KIF2A: variants seen among roughly 807,000 people sequenced by gnomAD.
KIF2A encodes the protein kinesin family member 2A.
In KIF2A, 22 loss-of-function variants were observed where a neutral mutation model predicts 100.2. That is an observed-to-expected ratio of 0.22 (90% CI 0.16 to 0.31). KIF2A has a LOEUF of 0.31. Among genes scored for constraint, KIF2A ranks in the 10% least tolerant of loss-of-function variants. The probability of loss-of-function intolerance (pLI) is 1.00; values close to 1 mark genes in which losing one functional copy is unlikely to be tolerated. For missense variants in KIF2A, 495 were observed against 898.7 expected (o/e 0.55, Z 5.74); for synonymous variants, 268 against 285.9 (o/e 0.94, Z 0.63).
At chr5:62,357,297 T>C (rs1418215050) in intron 7 of KIF2A, among the ~76,000 whole-genome samples, 1 of 152,028 alleles carries the variant, frequency 6.6e-6, no homozygotes, top group Non-Finnish European at 1.5e-5. Context: ...TTGGCCAGGC[T>C]AGTCTCAAAC....
chr5:62,312,171 C>A (rs1230555763), intron 1 of KIF2A, among the ~76,000 whole-genome samples: 1 of 152,176 alleles, frequency 6.6e-6, no homozygotes, highest in African/African-American at 2.4e-5. Flanking sequence ...TCCAAAAGTA[C>A]CACAGAAAGC....
chr5:62,390,845 T>G lies in KIF2A; in HGVS notation c.*5276T>G, dbSNP rs1427293785. On this transcript the variant is annotated 3_prime_UTR_variant, in exon 21 of 21. Transcript: ENST00000407818. ...CTGAAGGTGTCACAGTAAAGAAATG[T>G]AAACACTTAGGAAAACAAAAATGTA... 1 of 1,574,618 alleles carries G rather than the reference T, an allele frequency of 6.4e-7. No individual in the cohort carries two copies. Among genetic ancestry groups the G allele is most frequent in the Non-Finnish European group, 8.7e-7 (1 of 1,145,878 alleles).
chr5:62,306,853 C>T (rs999313955), intron 1 of KIF2A: 10 of 363,530 alleles, frequency 2.8e-5, no homozygotes, highest in Admixed American at 5.1e-5. Context: ...CTCCAGCCCC[C>T]CCCCGGGGAC....
intron 1 of KIF2A, among the ~76,000 whole-genome samples, chr5:62,346,824 A>G (rs966391510): frequency 6.6e-6 from 1 of 152,234 alleles, no homozygotes; most frequent in Non-Finnish European, 1.5e-5. Flanking sequence ...TCTAATGATT[A>G]GAACTGTTTA....
intron 9 of KIF2A, among the ~76,000 whole-genome samples, chr5:62,360,243 G>C (rs1248033628): frequency 6.6e-6 from 1 of 151,832 alleles, no homozygotes; most frequent in Admixed American, 6.6e-5. Context: ...ACCCACCTCA[G>C]CCTCCCAAAG....
chr5:62,310,408 C>T (rs1322523397), intron 1 of KIF2A, among the ~76,000 whole-genome samples: 2 of 152,150 alleles, frequency 1.3e-5, no homozygotes, highest in Non-Finnish European at 2.9e-5. Flanking sequence ...CCATTCCCAC[C>T]CCCACTACTG....
At chr5:62,369,233 A>G (rs1341038942) in intron 16 of KIF2A, among the ~76,000 whole-genome samples, 1 of 152,212 alleles carries the variant, frequency 6.6e-6, no homozygotes, top group Non-Finnish European at 1.5e-5. Context: ...TCACACTGCT[A>G]CAAAGGAATA....
chr5:62,308,394 G>A lies in KIF2A; in HGVS notation c.64+1858G>A, dbSNP rs1745410215. On this transcript the variant is annotated intron_variant, in intron 1 of 20. Transcript: ENST00000407818. ...TGGGTGCACAGCAACACCTGTCCCT[G>A]GTATACACCCAAGGGAGAGGAAATC... 3.0e-5 allele frequency: 42 copies of A among 1,391,314 alleles called. No homozygotes were observed. In the Middle Eastern group the frequency reaches 6.8e-4, roughly 22 times the overall value. The allele number at this position is 1,391,314 out of a possible 1,614,324, so 86.2% of individuals were successfully genotyped here.
intron 16 of KIF2A, among the ~76,000 whole-genome samples, chr5:62,369,163 T>A (rs1741209590): frequency 6.6e-6 from 1 of 152,224 alleles, no homozygotes; most frequent in Non-Finnish European, 1.5e-5. Flanking sequence ...AACCTACTGT[T>A]ATATCATGTA....
At chr5:62,342,952 A>G (rs1167131086) in intron 1 of KIF2A, among the ~76,000 whole-genome samples, 3 of 151,900 alleles carry the variant, frequency 2.0e-5, no homozygotes, top group Admixed American at 1.3e-4. Flanking sequence ...GTGTTTCACC[A>G]TGTTGGCCAG....
At chr5:62,308,499 T>C in intron 1 of KIF2A, 1 of 719,710 alleles carries the variant, frequency 1.4e-6, no homozygotes, top group Non-Finnish European at 2.5e-6. Context: ...GCAACCTAAA[T>C]GTCCATCGAT....
At chr5:62,376,372 A>T (rs1580097648) in intron 18 of KIF2A, among the ~76,000 whole-genome samples, 1 of 152,156 alleles carries the variant, frequency 6.6e-6, no homozygotes, top group East Asian at 1.9e-4. Flanking sequence ...ATGGAACAGC[A>T]TCTAAGACAC....
At chr5:62,366,791 A>G (rs1741092118) in intron 16 of KIF2A, among the ~76,000 whole-genome samples, 1 of 151,678 alleles carries the variant, frequency 6.6e-6, no homozygotes, top group African/African-American at 2.4e-5. Context: ...AGATCACGCC[A>G]CTGCACTCCA....
chr5:62,359,260 A>G (rs1219590976), intron 9 of KIF2A, among the ~76,000 whole-genome samples: 1 of 152,104 alleles, frequency 6.6e-6, no homozygotes, highest in Non-Finnish European at 1.5e-5. Context: ...TTTTAGCAGT[A>G]TTGTTATTTT....
chr5:62,307,031 G>A (rs1434841152), intron 1 of KIF2A: 1 of 153,188 alleles, frequency 6.5e-6, no homozygotes, highest in Admixed American at 6.5e-5. Flanking sequence ...CGGAGGCCGA[G>A]ATGGGGGGAA....
chr5:62,358,567 T>C (rs1056922641), intron 9 of KIF2A, among the ~76,000 whole-genome samples: 9 of 152,300 alleles, frequency 5.9e-5, no homozygotes, highest in African/African-American at 2.2e-4. Context: ...ACAAACCATG[T>C]ATATGGATAA....
intron 18 of KIF2A, among the ~76,000 whole-genome samples, chr5:62,375,757 A>G (rs543477524): frequency 2.6e-5 from 4 of 152,336 alleles, no homozygotes; most frequent in South Asian, 2.1e-4. Flanking sequence ...AGCAAAATGT[A>G]TGGATATTTT....
intron 1 of KIF2A, among the ~76,000 whole-genome samples, chr5:62,338,778 G>C (rs1187856486): frequency 2.6e-5 from 4 of 152,098 alleles, no homozygotes; most frequent in Admixed American, 6.6e-5. Context: ...CCACAACTTT[G>C]TAGAAAATAT....
chr5:62,350,453 T>G (rs1747792620), intron 4 of KIF2A, among the ~76,000 whole-genome samples: 1 of 152,088 alleles, frequency 6.6e-6, no homozygotes, highest in Non-Finnish European at 1.5e-5. Flanking sequence ...AATTTTTTGA[T>G]TTTTTAGTAG....
Sources: gnomAD v4.1 joint callset for allele counts (sites outside exome capture counted in the v4.1 genomes callset) on GRCh38, gnomAD v4.1.1 for gene constraint, MANE v1.5 for transcripts, NCBI Gene and HGNC (gene_info 2026-07-23, HGNC 2026-07-21) for gene names.